PCDH9: variants seen among roughly 807,000 people sequenced by gnomAD.
The protein encoded by PCDH9 is protocadherin-9.
PCDH9 carries 24 observed loss-of-function variants against 70.6 expected under a neutral mutation model. That is an observed-to-expected ratio of 0.34 (90% CI 0.25 to 0.48). The LOEUF is 0.48. Among genes scored for constraint, PCDH9 ranks in the 20% least tolerant of loss-of-function variants. The probability of loss-of-function intolerance (pLI) is 0.99; values close to 1 mark genes in which losing one functional copy is unlikely to be tolerated. For missense variants in PCDH9, 1,281 were observed against 1,503.6 expected (o/e 0.85, Z 2.45); for synonymous variants, 562 against 558.5 (o/e 1.01, Z -0.09).
At chr13:66,857,035 T>A (rs1032181342) in intron 3 of PCDH9, among the ~76,000 whole-genome samples, 5 of 152,128 alleles carry the variant, frequency 3.3e-5, no homozygotes, top group African/African-American at 9.6e-5. Context: ...TCTTAACCCA[T>A]CAACCTCTTC....
chr13:66,796,372 T>G (rs942891789), intron 3 of PCDH9, among the ~76,000 whole-genome samples: 2 of 152,200 alleles, frequency 1.3e-5, no homozygotes, highest in African/African-American at 4.8e-5. Context: ...CAAGGGGATA[T>G]TCTCATTAAT....
chr13:66,473,952 C>T (rs534761213), intron 4 of PCDH9, among the ~76,000 whole-genome samples: 53 of 152,120 alleles, frequency 3.5e-4, no homozygotes, highest in Non-Finnish European at 6.6e-4. Flanking sequence ...CTCCTTAATT[C>T]TTTGATCTTG....
At chr13:66,519,670 T>A (rs749153506) in intron 4 of PCDH9, among the ~76,000 whole-genome samples, 1 of 152,150 alleles carries the variant, frequency 6.6e-6, no homozygotes, top group Non-Finnish European at 1.5e-5. Context: ...GCCAGTTCCC[T>A]TCCCTGCAAG....
chr13:66,490,029 G>A (rs933196922), intron 4 of PCDH9, among the ~76,000 whole-genome samples: 2 of 152,144 alleles, frequency 1.3e-5, no homozygotes, highest in African/African-American at 4.8e-5. Flanking sequence ...TGTGCACAAC[G>A]TGCAGATTTG....
intron 3 of PCDH9, among the ~76,000 whole-genome samples, chr13:66,738,681 A>G (rs1310469887): frequency 2.7e-5 from 4 of 149,160 alleles, no homozygotes; most frequent in Non-Finnish European, 6.0e-5. Context: ...AGGCTCGAGA[A>G]CTACGTGAAG....
intron 3 of PCDH9, among the ~76,000 whole-genome samples, chr13:66,650,440 T>C (rs1255803945): frequency 2.0e-5 from 3 of 151,988 alleles, no homozygotes; most frequent in Admixed American, 2.0e-4. Flanking sequence ...ATTGTAAATA[T>C]ATATGTACTC....
chr13:66,437,472 A>G (rs1957893945), intron 4 of PCDH9, among the ~76,000 whole-genome samples: 5 of 151,482 alleles, frequency 3.3e-5, no homozygotes, highest in Admixed American at 2.6e-4. Flanking sequence ...ATATACTTTG[A>G]AAATAAACAG....
chr13:66,671,260 G>A (rs896517729), intron 3 of PCDH9, among the ~76,000 whole-genome samples: 5 of 152,166 alleles, frequency 3.3e-5, no homozygotes, highest in African/African-American at 1.2e-4. Context: ...TCCAGTCTTC[G>A]GTATTTCTTC....
At chr13:67,027,849 C>T (rs1339723787) in intron 2 of PCDH9, among the ~76,000 whole-genome samples, 2 of 151,776 alleles carry the variant, frequency 1.3e-5, no homozygotes, top group Non-Finnish European at 2.9e-5. Flanking sequence ...CAGAGAAATG[C>T]AAATCAAAAC....
chr13:66,984,016 T>C (rs1221790667), intron 2 of PCDH9, among the ~76,000 whole-genome samples: 2 of 152,070 alleles, frequency 1.3e-5, no homozygotes, highest in African/African-American at 4.8e-5. Flanking sequence ...CAACTAAACA[T>C]ACAAGAAAGA....
chr13:66,730,243 T>G (rs926355153), intron 3 of PCDH9, among the ~76,000 whole-genome samples: 1 of 152,214 alleles, frequency 6.6e-6, no homozygotes, highest in Non-Finnish European at 1.5e-5. Context: ...AAACTGAAGA[T>G]ATTGACAAGC....
intron 4 of PCDH9, among the ~76,000 whole-genome samples, chr13:66,600,557 C>T (rs1309006039): frequency 6.6e-6 from 1 of 151,744 alleles, no homozygotes; most frequent in Non-Finnish European, 1.5e-5. Flanking sequence ...GATTTAATTG[C>T]CTCATACCAG....
At chr13:67,206,912 TCA>T (rs1225436468) in intron 2 of PCDH9, 1 of 152,214 alleles carries the variant, frequency 6.6e-6, no homozygotes, top group Non-Finnish European at 1.5e-5. Flanking sequence ...ATAAGAATAA[TCA>T]CAAAACTCTG....
chr13:66,460,981 G>C (rs1958413518), intron 4 of PCDH9, among the ~76,000 whole-genome samples: 1 of 151,828 alleles, frequency 6.6e-6, no homozygotes, highest in African/African-American at 2.4e-5. Flanking sequence ...TTGGCCCAGG[G>C]TTTTTCATAT....
At chr13:66,541,914 A>C (rs1343366867) in intron 4 of PCDH9, among the ~76,000 whole-genome samples, 2 of 152,124 alleles carry the variant, frequency 1.3e-5, no homozygotes, top group African/African-American at 4.8e-5. Flanking sequence ...CTGTAAATTG[A>C]TTACTGTTTT....
intron 3 of PCDH9, among the ~76,000 whole-genome samples, chr13:66,651,749 T>A (rs2077855025): frequency 6.6e-6 from 1 of 151,986 alleles, no homozygotes; most frequent in Admixed American, 6.6e-5. Context: ...TGAACATTGA[T>A]GCAAATATCC....
At chr13:66,659,071 C>T (rs956809259) in intron 3 of PCDH9, among the ~76,000 whole-genome samples, 1 of 151,860 alleles carries the variant, frequency 6.6e-6, no homozygotes, top group Non-Finnish European at 1.5e-5. Flanking sequence ...CAATAAAACA[C>T]AACAACAACA....
intron 2 of PCDH9, among the ~76,000 whole-genome samples, chr13:66,956,742 T>G (rs1248760237): frequency 6.6e-6 from 1 of 152,160 alleles, no homozygotes; most frequent in Non-Finnish European, 1.5e-5. Flanking sequence ...AGAGTGAGAA[T>G]CCATCTCAAA....
At position 67,183,652 on chromosome 13, in the gene PCDH9, CAATGGT is replaced by C. The variant is rs1295770610; in HGVS notation, c.3036+41747_3036+41752del. ...ATGAATGTTGTTTAAGGTAAAGGACCAATGGTGTTTAAGCAATGTTGATATTTTTTA... is the reference window on the plus strand; with the variant it reads ...ATGAATGTTGTTTAAGGTAAAGGACCGTTTAAGCAATGTTGATATTTTTTA... On this transcript the variant is annotated intron_variant, in intron 2 of 4. Transcript: ENST00000377865. Among the ~76,000 whole-genome samples, 6 of 151,934 alleles carry C rather than the reference CAATGGT, an allele frequency of 3.9e-5. No individual in the cohort carries two copies. The East Asian group carries it at 1.2e-3, about 29-fold the overall frequency.
Sources: allele counts gnomAD v4.1 joint callset (sites outside exome capture counted in the v4.1 genomes callset), GRCh38; gene constraint gnomAD v4.1.1; transcripts MANE v1.5; gene names NCBI Gene and HGNC (gene_info 2026-07-23, HGNC 2026-07-21).